The following EIF4ENIF1 variants were observed in gnomAD, a reference collection of about 807,000 sequenced individuals.
EIF4ENIF1 encodes the protein eukaryotic translation initiation factor 4E nuclear import factor 1.
EIF4ENIF1 carries 23 observed loss-of-function variants against 110.5 expected under a neutral mutation model. The ratio of observed to expected loss-of-function variants is 0.21; its 90% CI spans 0.15 to 0.29. The LOEUF (loss-of-function observed/expected upper bound fraction) is 0.29. Ranked by LOEUF, EIF4ENIF1 falls within the 10% of genes least tolerant of loss-of-function variation. The probability of loss-of-function intolerance (pLI) is 1.00; values close to 1 mark genes in which losing one functional copy is unlikely to be tolerated. For synonymous variants in EIF4ENIF1, 440 were observed against 437.0 expected, an observed-to-expected ratio of 1.01 and a Z score of -0.09; for missense variants, 1,031 against 1,221.1, an observed-to-expected ratio of 0.84 and a Z score of 2.32.
At chr22:31,447,035 G>A (rs1443456790) in intron 14 of EIF4ENIF1, 1 of 462,244 alleles carries the variant, frequency 2.2e-6, no homozygotes, top group East Asian at 7.0e-5. Flanking sequence ...AAGGAGCTAT[G>A]CTAGTTTCAT....
intron 3 of EIF4ENIF1, 44 bp from the exon 4 acceptor site, chr22:31,468,346 C>T (rs775599459): frequency 1.4e-5 from 23 of 1,609,056 alleles, no homozygotes; most frequent in African/African-American, 5.4e-5. Flanking sequence ...CGCCCATGAA[C>T]CATATAGGCA....
At chr22:31,446,804 A>G (rs749148976) in intron 14 of EIF4ENIF1, 8 of 296,526 alleles carry the variant, frequency 2.7e-5, no homozygotes, top group Non-Finnish European at 4.8e-5. Flanking sequence ...TTATTTTACA[A>G]TAAAATAATA....
At position 31,454,929 on chromosome 22, in the gene EIF4ENIF1, A is replaced by G. The variant is rs548048079; in HGVS notation, c.1279+207T>C. 3.3e-5 allele frequency among the ~76,000 whole-genome samples: 5 copies of G among 152,304 alleles called. No individual in the cohort carries two copies. The East Asian group carries it at 9.6e-4, about 29-fold the overall frequency. ...GACCCTAGGTAAGAACTTACAGGAAAAGTTCTCATAGGGCTCATGACCCAC... is the reference window on the plus strand; with the variant it reads ...GACCCTAGGTAAGAACTTACAGGAAGAGTTCTCATAGGGCTCATGACCCAC... On this transcript the variant is annotated intron_variant, in intron 9 of 18. Transcript: ENST00000330125.
chr22:31,458,485 C>A lies in EIF4ENIF1; in HGVS notation c.953G>T (p.Cys318Phe). Reference protein sequence around the residue: ...NEFFNLDKVPCLASMIEDVLG... With the variant: ...NEFFNLDKVPFLASMIEDVLG... ...TGCTGCTACACTCACCGAAGCCAAGCATGGCACCTTATCAAGGTTAAAGAA... is the reference window on the plus strand; with the variant it reads ...TGCTGCTACACTCACCGAAGCCAAGAATGGCACCTTATCAAGGTTAAAGAA... The change falls in exon 7 of 19, where the codon TGC (cysteine) becomes TTC (phenylalanine). Residue 318 changes from cysteine (C) to phenylalanine (F), a missense_variant. Physicochemically the swap from Cys to Phe is radical, Grantham distance 205. Transcript: ENST00000330125. The A allele has an allele frequency of 6.3e-7, 1 of 1,592,982 alleles. No individual in the cohort carries two copies. The highest frequency in any genetic ancestry group is 1.3e-5 in the African/African-American group (1 of 74,604).
At chr22:31,446,516 CACTG>C (rs1402427857) in intron 14 of EIF4ENIF1, among the ~76,000 whole-genome samples, 4 of 152,094 alleles carry the variant, frequency 2.6e-5, no homozygotes, top group African/African-American at 9.7e-5. Flanking sequence ...TGAAGCAAAA[CACTG>C]AGGCACTGTG....
At chr22:31,450,894 C>CA (rs1343246427) in intron 10 of EIF4ENIF1, 1 of 142,752 alleles carries the variant, frequency 7.0e-6, no homozygotes, top group African/African-American at 3.1e-5. Flanking sequence ...CACACACACA[C>CA]AAAAGAGACA....
chr22:31,474,642 T>C (rs542038104), intron 2 of EIF4ENIF1, among the ~76,000 whole-genome samples: 13 of 152,258 alleles, frequency 8.5e-5, no homozygotes, highest in Non-Finnish European at 1.8e-4. Flanking sequence ...GGTATCCTCA[T>C]TTGCTTGAAG....
chr22:31,460,525 C>T (rs1398836650), intron 6 of EIF4ENIF1, among the ~76,000 whole-genome samples: 3 of 151,444 alleles, frequency 2.0e-5, no homozygotes, highest in East Asian at 1.9e-4. Flanking sequence ...TCCGCTACTC[C>T]GGAGGCTGAG....
Position 31,450,273 on chromosome 22 carries a change from TAA to T in EIF4ENIF1, c.1584+14_1584+15del, listed in dbSNP as rs755185200. 1.2e-6 allele frequency: 2 copies of T among 1,610,856 alleles called. No individual in the cohort carries two copies. Among genetic ancestry groups the T allele is most frequent in the Non-Finnish European group, 1.7e-6 (2 of 1,177,352 alleles). On this transcript the variant is annotated intron_variant, in intron 11 of 18. Coordinates refer to ENST00000330125, the MANE Select transcript of EIF4ENIF1 (RefSeq NM_019843.4). ...TGTTCAAGACTCCAAGGCCTCAGTA[TAA>T]GATTGTGAAGTACCTGCAGGATGTT... is the stretch of plus-strand genomic sequence containing the variant.
chr22:31,450,020 C>T (rs761101664), intron 11 of EIF4ENIF1, among the ~76,000 whole-genome samples: 3 of 152,160 alleles, frequency 2.0e-5, no homozygotes, highest in African/African-American at 7.2e-5. Flanking sequence ...TGTGAGCCAC[C>T]GTGCCTGGCT....
In EIF4ENIF1 at chr22:31,477,377, AAAAAAAC is replaced by A. The variant is rs1389024000; in HGVS notation, c.97-5467_97-5461del. On this transcript the variant is annotated intron_variant, in intron 2 of 18. Coordinates refer to ENST00000330125, the MANE Select transcript of EIF4ENIF1 (RefSeq NM_019843.4). ...GTCTCCAAAAAAAAAAAAAAAAACA[AAAAAAAC>A]AAAAAAAGAGAATTTGAAATTGAGA... 3.1e-4 allele frequency among the ~76,000 whole-genome samples: 46 copies of A among 146,658 alleles called. 4 individuals carry two copies. Among genetic ancestry groups the A allele is most frequent in the East Asian group, 5.9e-4 (3 of 5,116 alleles).
At chr22:31,446,698 T>TTACTGGCACAGGGCAC (rs1295995686) in intron 14 of EIF4ENIF1, among the ~76,000 whole-genome samples, 2 of 152,198 alleles carry the variant, frequency 1.3e-5, no homozygotes, top group Non-Finnish European at 2.9e-5. Context: ...AAAAGGGGTA[T>TTACTGGCACAGGGCAC]TACTGGCACA....
intron 13 of EIF4ENIF1, among the ~76,000 whole-genome samples, chr22:31,447,891 A>C (rs1016146619): frequency 6.6e-6 from 1 of 152,162 alleles, no homozygotes; most frequent in Non-Finnish European, 1.5e-5. Flanking sequence ...TCTTGGGCTC[A>C]AGCGATTCTC....
chr22:31,491,487 C>T (rs552883061), upstream of EIF4ENIF1, among the ~76,000 whole-genome samples: 2 of 152,122 alleles, frequency 1.3e-5, no homozygotes, highest in South Asian at 4.2e-4. Context: ...TCTCCCTTTC[C>T]TCATTTTTCC....
At chr22:31,455,092 T>G in intron 9 of EIF4ENIF1, 44 bp downstream of exon 9, 1 of 1,534,928 alleles carries the variant, frequency 6.5e-7, no homozygotes. Flanking sequence ...ACTGAACATC[T>G]AGACCTTTTC....
chr22:31,481,754 G>A (rs564290309), intron 2 of EIF4ENIF1, among the ~76,000 whole-genome samples: 20 of 152,230 alleles, frequency 1.3e-4, no homozygotes, highest in African/African-American at 4.8e-4. Flanking sequence ...GACAAACATG[G>A]CTGTACTGAC....
intron 3 of EIF4ENIF1, 55 bp from the exon 4 acceptor site, chr22:31,468,357 G>A: frequency 6.2e-7 from 1 of 1,604,836 alleles, no homozygotes. Flanking sequence ...CATATAGGCA[G>A]TGTGATTTCT....
chr22:31,451,646 T>G (rs2050679252), intron 10 of EIF4ENIF1, among the ~76,000 whole-genome samples: 1 of 151,958 alleles, frequency 6.6e-6, no homozygotes, highest in Non-Finnish European at 1.5e-5. Context: ...TCCTCCACTC[T>G]TAAAGCAGTA....
intron 4 of EIF4ENIF1, among the ~76,000 whole-genome samples, chr22:31,465,200 G>A (rs1292740086): frequency 6.6e-6 from 1 of 151,752 alleles, no homozygotes; most frequent in Non-Finnish European, 1.5e-5. Context: ...GTAGGCACCT[G>A]TAATCCCAGC....
Sources: gnomAD v4.1 joint callset for allele counts (sites outside exome capture counted in the v4.1 genomes callset) on GRCh38, gnomAD v4.1.1 for gene constraint, MANE v1.5 for transcripts, NCBI Gene and HGNC (gene_info 2026-07-23, HGNC 2026-07-21) for gene names.